The following PSPC1 variants were observed in gnomAD, a reference collection of about 807,000 sequenced individuals.
PSPC1 encodes paraspeckle component 1, also known as paraspeckle protein 1.
Under a neutral mutation model 51.6 loss-of-function variants are expected in PSPC1, and 14 were observed. The observed-to-expected ratio is 0.27, with a 90% CI of 0.18 to 0.42. PSPC1 has a LOEUF of 0.42. Among genes scored for constraint, PSPC1 ranks in the 10% least tolerant of loss-of-function variants. The probability of loss-of-function intolerance (pLI) is 1.00; values close to 1 mark genes in which losing one functional copy is unlikely to be tolerated. For synonymous variants in PSPC1, 193 were observed against 231.9 expected, an observed-to-expected ratio of 0.83 and a Z score of 1.53; for missense variants, 406 against 701.1, an observed-to-expected ratio of 0.58 and a Z score of 4.75.
At chr13:19,776,229 G>A (rs562114866) in intron 1 of PSPC1, among the ~76,000 whole-genome samples, 1 of 152,220 alleles carries the variant, frequency 6.6e-6, no homozygotes, top group African/African-American at 2.4e-5. Context: ...GGGAAGCTGA[G>A]GAGGAGGGAT....
intron 6 of PSPC1, among the ~76,000 whole-genome samples, chr13:19,718,990 C>T (rs1442578085): frequency 1.3e-5 from 2 of 152,002 alleles, no homozygotes; most frequent in African/African-American, 4.8e-5. Flanking sequence ...AGAAGCAGAG[C>T]ACAGATTTTT....
intron 6 of PSPC1, among the ~76,000 whole-genome samples, chr13:19,695,426 C>A (rs1879088957): frequency 1.3e-5 from 2 of 152,312 alleles, no homozygotes; most frequent in South Asian, 4.1e-4. Flanking sequence ...AACTGCCCAT[C>A]TTCCACTAAT....
intron 6 of PSPC1, among the ~76,000 whole-genome samples, chr13:19,710,679 T>TA (rs1181886965): frequency 6.6e-6 from 1 of 152,118 alleles, no homozygotes; most frequent in Non-Finnish European, 1.5e-5. Context: ...AGTGGCTCCT[T>TA]AAAAAAACTG....
chr13:19,741,058 G>A (rs1427804519), intron 5 of PSPC1, among the ~76,000 whole-genome samples: 1 of 152,026 alleles, frequency 6.6e-6, no homozygotes, highest in African/African-American at 2.4e-5. Context: ...AGTTTTAGTA[G>A]AGACAGGGTT....
chr13:19,712,491 C>A (rs1409284209), intron 6 of PSPC1, among the ~76,000 whole-genome samples: 1 of 152,124 alleles, frequency 6.6e-6, no homozygotes. Flanking sequence ...AAAGTACCTT[C>A]TTTTATTATT....
intron 6 of PSPC1, 114 bp downstream of exon 6, chr13:19,730,125 G>A (rs1263165255): frequency 7.8e-6 from 6 of 764,358 alleles, no homozygotes; most frequent in Non-Finnish European, 1.3e-5. Context: ...CAAACATGAT[G>A]AATTTAGAAA....
Position 19,727,439 on chromosome 13 carries a change from CAAGT to C in PSPC1, c.1158+2796_1158+2799del, listed in dbSNP as rs749533441. The stretch of plus-strand genomic sequence containing the variant: ...AAAGAAACTTCTCAAATTTTAAAAC[CAAGT>C]AACATACAATTTAAACATCACCCCA... On this transcript the variant is annotated intron_variant, in intron 6 of 8. Transcript: ENST00000338910. Among the ~76,000 whole-genome samples the C allele has an allele frequency of 1.6e-4, 24 of 151,952 alleles. No individual in the cohort carries two copies. The South Asian group carries it at 1.7e-3, about 11-fold the overall frequency.
chr13:19,724,195 G>A (rs1317240476), intron 6 of PSPC1, among the ~76,000 whole-genome samples: 12 of 152,150 alleles, frequency 7.9e-5, no homozygotes, highest in Non-Finnish European at 5.9e-5. Context: ...ACAGCCATGT[G>A]GAAACCACAA....
chr13:19,727,394 C>CAATA (rs1411810256), intron 6 of PSPC1, among the ~76,000 whole-genome samples: 4 of 148,888 alleles, frequency 2.7e-5, no homozygotes, highest in Non-Finnish European at 4.5e-5. Context: ...AACTCTGCCT[C>CAATA]AATAAATAAA....
At chr13:19,732,931 A>AAAAAAAG (rs966172882) in intron 5 of PSPC1, among the ~76,000 whole-genome samples, 1 of 151,612 alleles carries the variant, frequency 6.6e-6, no homozygotes, top group East Asian at 1.9e-4. Flanking sequence ...CATCTCAAAA[A>AAAAAAAG]AAAAAGAAAA....
Position 19,705,724 on chromosome 13 carries a change from C to T in PSPC1, c.1324G>A (p.Ala442Thr), listed in dbSNP as rs2137742638. 6.2e-7 allele frequency: 1 copy of T among 1,611,712 alleles called. No homozygotes were observed. Among genetic ancestry groups the T allele is most frequent in the Non-Finnish European group, 8.5e-7 (1 of 1,178,870 alleles). The change falls in exon 8 of 9, where the codon GCC becomes ACC. Residue 442 changes from alanine (A) to threonine (T), a missense_variant. By Grantham distance (58) the Ala-to-Thr change is moderately conservative (BLOSUM62 0). This residue lies in a region of PSPC1 where 34 missense variants were observed against 158.6 expected (regional missense o/e 0.21). Coordinates refer to ENST00000338910, the MANE Select transcript of PSPC1 (RefSeq NM_001354909.2). ...TTTGCGGCTCCTTCTGGTCCCATGGCAGGACCAGGACCCATTGGTGGGCCA... is the reference window on the plus strand; with the variant it reads ...TTTGCGGCTCCTTCTGGTCCCATGGTAGGACCAGGACCCATTGGTGGGCCA... ...IPGPPMGPGP[A>T]MGPEGAANMG...
At chr13:19,757,706 G>T (rs1286007154) in intron 3 of PSPC1, among the ~76,000 whole-genome samples, 1 of 152,008 alleles carries the variant, frequency 6.6e-6, no homozygotes. Context: ...TCTGTAACAG[G>T]GCCTTTGAGC....
At chr13:19,745,586 C>T (rs987145051) in intron 4 of PSPC1, among the ~76,000 whole-genome samples, 15 of 151,610 alleles carry the variant, frequency 9.9e-5, no homozygotes, top group Admixed American at 7.9e-4. Context: ...TTTATTTTAC[C>T]GCTGATCTGT....
chr13:19,671,371 C>A (rs1876117158), downstream of PSPC1: 23 of 1,305,084 alleles, frequency 1.8e-5, 1 homozygote, highest in South Asian at 2.8e-4. Flanking sequence ...AAAAAAATTC[C>A]AAGAATCCTG....
At chr13:19,727,318 C>CGGG (rs1883470574) in intron 6 of PSPC1, among the ~76,000 whole-genome samples, 3 of 152,086 alleles carry the variant, frequency 2.0e-5, no homozygotes, top group Non-Finnish European at 4.4e-5. Flanking sequence ...CGCTTGAACC[C>CGGG]AGGAGGCAGA....
chr13:19,713,026 C>G (rs1456585937), intron 6 of PSPC1, among the ~76,000 whole-genome samples: 2 of 152,136 alleles, frequency 1.3e-5, no homozygotes, highest in Non-Finnish European at 2.9e-5. Flanking sequence ...TTCACTAACA[C>G]TAAATCTATC....
At position 19,745,351 on chromosome 13, in the gene PSPC1, A is replaced by C. The variant is rs138099887; in HGVS notation, c.968-3702T>G. 1.5e-3 allele frequency among the ~76,000 whole-genome samples: 221 copies of C among 152,236 alleles called. 1 individual carries two copies. Among genetic ancestry groups the C allele is most frequent in the African/African-American group, 4.4e-3 (184 of 41,546 alleles). On this transcript the variant is annotated intron_variant, in intron 4 of 8. Coordinates refer to ENST00000338910, the MANE Select transcript of PSPC1 (RefSeq NM_001354909.2). ...AATTAATTAAAATGCTGTCCTAACA[A>C]ATTTAATGATAAAATTACATGAAAT...
At chr13:19,712,617 T>C (rs1593594401) in intron 6 of PSPC1, among the ~76,000 whole-genome samples, 1 of 152,144 alleles carries the variant, frequency 6.6e-6, no homozygotes, top group Non-Finnish European at 1.5e-5. Flanking sequence ...ATATTATAAA[T>C]TGGTACAAGT....
At chr13:19,744,823 A>G in intron 4 of PSPC1, among the ~76,000 whole-genome samples, 1 of 152,150 alleles carries the variant, frequency 6.6e-6, no homozygotes, top group Non-Finnish European at 1.5e-5. Flanking sequence ...TTGGCCTTCC[A>G]AAGTGCTGGG....
Sources: allele counts gnomAD v4.1 joint callset (sites outside exome capture counted in the v4.1 genomes callset), GRCh38; gene constraint gnomAD v4.1.1; regional missense constraint gnomAD v4.1.1; transcripts MANE v1.5; gene names NCBI Gene and HGNC (gene_info 2026-07-23, HGNC 2026-07-21).